ANKS1B: variants seen among roughly 807,000 people sequenced by gnomAD.
ANKS1B encodes ankyrin repeat and sterile alpha motif domain containing 1B, also known as ankyrin repeat and sterile alpha motif domain-containing protein 1B.
A neutral mutation model predicts 148.3 loss-of-function variants in ANKS1B; 36 were observed. The ratio of observed to expected loss-of-function variants is 0.24; its 90% confidence interval spans 0.19 to 0.32. ANKS1B has a LOEUF of 0.32. Among genes scored for constraint, ANKS1B ranks in the 10% least tolerant of loss-of-function variants. ANKS1B has a pLI of 1.00. For missense variants in ANKS1B, 1,157 were observed against 1,542.6 expected (o/e 0.75, Z 4.19); for synonymous variants, 542 against 560.8 (o/e 0.97, Z 0.47).
chr12:99,509,761 T>C (rs943882232), intron 9 of ANKS1B, among the ~76,000 whole-genome samples: 8 of 151,962 alleles, frequency 5.3e-5, no homozygotes, highest in Non-Finnish European at 4.4e-5. Context: ...AAACAATAGA[T>C]TTGCAATGTA....
At chr12:99,964,125 G>GA (rs1380239868) in intron 1 of ANKS1B, among the ~76,000 whole-genome samples, 3 of 151,862 alleles carry the variant, frequency 2.0e-5, no homozygotes, top group East Asian at 1.9e-4. Flanking sequence ...CACTATACAT[G>GA]AAAAAAAGCC....
At chr12:98,900,576 A>G (rs879479316) in intron 17 of ANKS1B, among the ~76,000 whole-genome samples, 2 of 152,180 alleles carry the variant, frequency 1.3e-5, no homozygotes, top group Admixed American at 1.3e-4. Context: ...TGAGAAAGTA[A>G]GAGAGAGTGA....
chr12:99,600,235 G>A (rs958554230), intron 9 of ANKS1B, among the ~76,000 whole-genome samples: 14 of 151,932 alleles, frequency 9.2e-5, no homozygotes, highest in Non-Finnish European at 1.9e-4. Context: ...ATGCTGAAAA[G>A]AACTGTTAAT....
Position 98,744,060 on chromosome 12 carries a change from C to A in ANKS1B, c.*1679G>T, listed in dbSNP as rs189026862. On this transcript the variant is annotated 3_prime_UTR_variant, in exon 27 of 27. Coordinates refer to ENST00000683438, the MANE Select transcript of ANKS1B (RefSeq NM_001352186.2). Reference sequence around the variant, plus strand: ...AATTACAAAATTTATAACTGGAAGCCCAAGCTTATTTACACATATGCTTCT... The same window carrying A: ...AATTACAAAATTTATAACTGGAAGCACAAGCTTATTTACACATATGCTTCT... 13 of 983,246 alleles carry A rather than the reference C, an allele frequency of 1.3e-5. No homozygotes were observed. The East Asian group carries it at 1.5e-3, about 112-fold the overall frequency. 60.9% of individuals were successfully genotyped at this position (983,246 alleles called of 1,614,324 possible). A position where few individuals can be genotyped will look rare whatever the true frequency, so the allele number is the denominator to read the frequency against.
intron 8 of ANKS1B, among the ~76,000 whole-genome samples, chr12:99,725,995 AGT>A (rs1407858544): frequency 6.6e-6 from 1 of 152,228 alleles, no homozygotes; most frequent in Non-Finnish European, 1.5e-5. Flanking sequence ...CAGCTAAAGC[AGT>A]GTTAAGAGGG....
chr12:99,847,837 T>G (rs2086946781), intron 1 of ANKS1B, among the ~76,000 whole-genome samples: 1 of 152,152 alleles, frequency 6.6e-6, no homozygotes, highest in Non-Finnish European at 1.5e-5. Context: ...AGTTGCTGCA[T>G]GAAGGAATAA....
At chr12:99,599,560 T>C (rs1793121591) in intron 9 of ANKS1B, among the ~76,000 whole-genome samples, 1 of 152,062 alleles carries the variant, frequency 6.6e-6, no homozygotes, top group Non-Finnish European at 1.5e-5. Context: ...CAAGAGATTA[T>C]TGAAACCCTT....
intron 19 of ANKS1B, among the ~76,000 whole-genome samples, chr12:98,827,472 A>G (rs2099258812): frequency 1.3e-5 from 2 of 152,172 alleles, no homozygotes; most frequent in South Asian, 4.1e-4. Context: ...ATAAAAGCCC[A>G]TTCCATTTTC....
At chr12:99,612,034 T>C (rs979024434) in intron 9 of ANKS1B, among the ~76,000 whole-genome samples, 5 of 152,040 alleles carry the variant, frequency 3.3e-5, no homozygotes, top group African/African-American at 1.2e-4. Context: ...AATATTCACT[T>C]AAATATGATG....
At chr12:99,277,957 C>T (rs2077893080) in intron 12 of ANKS1B, among the ~76,000 whole-genome samples, 1 of 152,184 alleles carries the variant, frequency 6.6e-6, no homozygotes, top group Non-Finnish European at 1.5e-5. Context: ...AGCAGATTCA[C>T]TTGATTTGTG....
chr12:98,858,696 G>C (rs2099584125), intron 17 of ANKS1B, among the ~76,000 whole-genome samples: 1 of 152,118 alleles, frequency 6.6e-6, no homozygotes, highest in Admixed American at 6.5e-5. Context: ...GAACAGGCTG[G>C]GGTTAGAGTA....
chr12:99,060,650 AC>A (rs1279354321), intron 16 of ANKS1B, among the ~76,000 whole-genome samples: 1 of 135,204 alleles, frequency 7.4e-6, no homozygotes, highest in African/African-American at 2.9e-5. Flanking sequence ...ACATATATAC[AC>A]ATCACACACA....
intron 17 of ANKS1B, among the ~76,000 whole-genome samples, chr12:98,940,557 A>C (rs1043500980): frequency 6.6e-6 from 1 of 151,958 alleles, no homozygotes; most frequent in African/African-American, 2.4e-5. Context: ...CTCTACCAGC[A>C]CTTATTATTA....
chr12:99,817,027 G>A (rs1242978796), intron 2 of ANKS1B, among the ~76,000 whole-genome samples: 1 of 150,592 alleles, frequency 6.6e-6, no homozygotes, highest in Admixed American at 6.6e-5. Flanking sequence ...TTTTTGTGTT[G>A]GGAACATCAC....
chr12:99,649,441 C>T, intron 9 of ANKS1B: 5 of 1,493,284 alleles, frequency 3.3e-6, no homozygotes, highest in Non-Finnish European at 4.7e-6. Context: ...AGAGTTCACA[C>T]ACCCCTGCAG....
chr12:99,384,176 T>C (rs1342614869), intron 12 of ANKS1B, among the ~76,000 whole-genome samples: 1 of 152,198 alleles, frequency 6.6e-6, no homozygotes, highest in African/African-American at 2.4e-5. Context: ...GAAATATTTA[T>C]TGACTGAATA....
chr12:99,938,419 G>T (rs1178156116), intron 1 of ANKS1B, among the ~76,000 whole-genome samples: 1 of 152,156 alleles, frequency 6.6e-6, no homozygotes, highest in Non-Finnish European at 1.5e-5. Context: ...ACCTTGAGCA[G>T]AGGATTCAAG....
At chr12:99,265,074 ATAATT>A (rs1227159126) in intron 12 of ANKS1B, among the ~76,000 whole-genome samples, 1 of 152,198 alleles carries the variant, frequency 6.6e-6, no homozygotes, top group Non-Finnish European at 1.5e-5. Flanking sequence ...GTCCAAATCA[ATAATT>A]TAATTTTAAA....
At position 99,366,863 on chromosome 12, in the gene ANKS1B, C is replaced by CA. The variant is rs75640003; in HGVS notation, c.1756+32767dup. Among the ~76,000 whole-genome samples, 578 of 151,400 alleles carry CA rather than the reference C, an allele frequency of 3.8e-3. 34 individuals are homozygous for CA. In the East Asian group the frequency reaches 0.088, roughly 23 times the overall value. On this transcript the variant is annotated intron_variant, in intron 12 of 26. Transcript: ENST00000683438. ...CAACTACTTAAAAAAAAGAAATGGC[C>CA]AAAAAAAATCATCATAAACAAAATC...
Sources: allele counts gnomAD v4.1 joint callset (sites outside exome capture counted in the v4.1 genomes callset), GRCh38; gene constraint gnomAD v4.1.1; transcripts MANE v1.5; gene names NCBI Gene and HGNC (gene_info 2026-07-23, HGNC 2026-07-21).